The following JDP2 variants were observed in gnomAD, a reference collection of about 807,000 sequenced individuals.
The protein encoded by JDP2 is progesterone receptor co-activator.
Under a neutral mutation model 17.1 loss-of-function variants are expected in JDP2, and 9 were observed. The observed-to-expected ratio is 0.53, with a 90% CI of 0.32 to 0.92. The LOEUF (loss-of-function observed/expected upper bound fraction) is 0.92. JDP2 is among the 40% of genes least tolerant of loss of function. JDP2 has a pLI of 0.04. For synonymous variants in JDP2, 107 were observed against 95.6 expected, an observed-to-expected ratio of 1.12 and a Z score of -0.69; for missense variants, 179 against 220.0, an observed-to-expected ratio of 0.81 and a Z score of 1.18.
chr14:75,442,892 C>T (rs1419509342), intron 2 of JDP2, among the ~76,000 whole-genome samples: 1 of 152,168 alleles, frequency 6.6e-6, no homozygotes, highest in African/African-American at 2.4e-5. Context: ...TGTCAGGGAG[C>T]TTTCTGGGGG....
At chr14:75,451,823 T>A (rs1306075621) in intron 2 of JDP2, among the ~76,000 whole-genome samples, 1 of 134,218 alleles carries the variant, frequency 7.5e-6, no homozygotes, top group Non-Finnish European at 1.6e-5. Flanking sequence ...GCAAGCCATT[T>A]CCTTCTCTGG....
At chr14:75,467,407 C>T (rs890922083) in intron 3 of JDP2, among the ~76,000 whole-genome samples, 1 of 152,198 alleles carries the variant, frequency 6.6e-6, no homozygotes, top group African/African-American at 2.4e-5. Flanking sequence ...CCTTGTTGCA[C>T]AGATTGCTTC....
intron 1 of JDP2, among the ~76,000 whole-genome samples, chr14:75,431,398 A>G (rs1279573621): frequency 1.3e-5 from 2 of 152,192 alleles, no homozygotes; most frequent in African/African-American, 2.4e-5. Flanking sequence ...CACGGCTGCC[A>G]GTGTTCAGTG....
intron 1 of JDP2, among the ~76,000 whole-genome samples, chr14:75,433,798 T>C (rs1884931558): frequency 6.6e-6 from 1 of 152,130 alleles, no homozygotes; most frequent in Admixed American, 6.5e-5. Context: ...GCATTGCCAG[T>C]CTTCTTGGAT....
chr14:75,457,448 TG>T (rs1279804910), intron 2 of JDP2, among the ~76,000 whole-genome samples: 1 of 152,270 alleles, frequency 6.6e-6, no homozygotes, highest in Non-Finnish European at 1.5e-5. Flanking sequence ...ATGCCTGTCT[TG>T]TTTCTGGTAG....
At chr14:75,434,811 G>A (rs1162557049) in intron 1 of JDP2, among the ~76,000 whole-genome samples, 2 of 152,150 alleles carry the variant, frequency 1.3e-5, no homozygotes, top group African/African-American at 2.4e-5. Context: ...TAACTTGGAG[G>A]TGAAATTACA....
At chr14:75,457,061 C>CA (rs1363049961) in intron 2 of JDP2, among the ~76,000 whole-genome samples, 1 of 152,252 alleles carries the variant, frequency 6.6e-6, no homozygotes, top group Admixed American at 6.5e-5. Context: ...CAGGGAAAAG[C>CA]ATGCTCCCCT....
chr14:75,449,774 A>G (rs1220068434), intron 2 of JDP2, among the ~76,000 whole-genome samples: 1 of 152,132 alleles, frequency 6.6e-6, no homozygotes, highest in Admixed American at 6.5e-5. Flanking sequence ...TTTTCTCTTC[A>G]GTGTTAGGTT....
chr14:75,448,671 C>T (rs1447690483), intron 2 of JDP2, among the ~76,000 whole-genome samples: 3 of 152,210 alleles, frequency 2.0e-5, no homozygotes, highest in South Asian at 2.1e-4. Context: ...AACATTGCCA[C>T]GTCCACGCCC....
At chr14:75,451,408 T>G (rs1594962511) in intron 2 of JDP2, among the ~76,000 whole-genome samples, 2 of 147,134 alleles carry the variant, frequency 1.4e-5, no homozygotes, top group African/African-American at 2.5e-5. Flanking sequence ...GGGACGGGGG[T>G]GTGGGGAGGC....
In JDP2 at chr14:75,428,764, C is replaced by G. The variant is rs1313533755; in HGVS notation, c.-24+512C>G. Among the ~76,000 whole-genome samples the G allele has an allele frequency of 1.3e-5, 2 of 152,118 alleles. No homozygotes were observed. The highest frequency in any genetic ancestry group is 4.8e-5 in the African/African-American group (2 of 41,412). On this transcript the variant is annotated intron_variant, in intron 1 of 3. Coordinates refer to ENST00000651602, the MANE Select transcript of JDP2 (RefSeq NM_001135048.2). This position sits in a 1 kb window ranked among gnomAD's most constrained non-coding sequence, Gnocchi z 5.6. ...AGCGCGACTCCCGGAGGACCCGGAC[C>G]CGGAGGAGAGTATTGAGAAGGGCTC...
At chr14:75,436,396 A>G (rs1437948000) in intron 1 of JDP2, among the ~76,000 whole-genome samples, 1 of 152,214 alleles carries the variant, frequency 6.6e-6, no homozygotes, top group Non-Finnish European at 1.5e-5. Context: ...ATCTCTCTCC[A>G]TGGGAAGAGA....
chr14:75,438,103 C>T lies in JDP2; in HGVS notation c.183C>T (p.Pro61=), dbSNP rs34788000. The T allele has an allele frequency of 8.2e-5, 132 of 1,610,288 alleles. No homozygotes were observed. The African/African-American group carries it at 1.5e-3, about 19-fold the overall frequency. ...TGGAGGTGAAACTGGGCAAGAGGCC[C>T]CAGCCCGTGAAAAGTGAGGTGAGCG... ...HFLEVKLGKR[P]QPVKSELDEE... The change falls in exon 2 of 4, where the codon CCC becomes CCT. Residue 61 remains proline, a synonymous_variant. Coordinates refer to ENST00000651602, the MANE Select transcript of JDP2 (RefSeq NM_001135048.2).
chr14:75,432,178 G>T, intron 1 of JDP2: 1 of 727,628 alleles, frequency 1.4e-6, no homozygotes, highest in Non-Finnish European at 2.4e-6. Flanking sequence ...CAGTCTTGGG[G>T]CCTTCCCCAT....
At chr14:75,442,529 A>G (rs909755440) in intron 2 of JDP2, among the ~76,000 whole-genome samples, 14 of 152,234 alleles carry the variant, frequency 9.2e-5, no homozygotes, top group African/African-American at 3.4e-4. Flanking sequence ...AGCTGTGTCA[A>G]CTTGGCAAGT....
Position 75,437,087 on chromosome 14 carries a change from G to C in JDP2, c.-23-811G>C, listed in dbSNP as rs574302343. Among the ~76,000 whole-genome samples the C allele has an allele frequency of 5.9e-5, 9 of 151,318 alleles. 1 individual carries two copies. The East Asian group carries it at 1.7e-3, about 29-fold the overall frequency. ...CAGGTGCCTGTAATTCCAGCTACTC[G>C]TGAGGCTGAGACAGGAGAATTGCTT... On this transcript the variant is annotated intron_variant, in intron 1 of 3. Transcript: ENST00000651602.
At chr14:75,439,864 A>G (rs1340653383) in intron 2 of JDP2, among the ~76,000 whole-genome samples, 1 of 152,178 alleles carries the variant, frequency 6.6e-6, no homozygotes, top group Non-Finnish European at 1.5e-5. Flanking sequence ...ATTGCCATTT[A>G]GAGCCAGTAG....
rs1022312781 is a variant in JDP2 at position 75,450,691 on chromosome 14, G to A, written c.202-10735G>A. On this transcript the variant is annotated intron_variant, in intron 2 of 3. Transcript: ENST00000651602. ...GTGAAGTGGAAAGAACCTTGGACTT[G>A]GAGTCAGGAGTGTCTGGGTTCTTGC... 1.2e-4 allele frequency among the ~76,000 whole-genome samples: 19 copies of A among 152,354 alleles called. No individual in the cohort carries two copies. In the East Asian group the frequency reaches 2.5e-3, roughly 20 times the overall value.
intron 2 of JDP2, among the ~76,000 whole-genome samples, chr14:75,459,468 C>T (rs1886258737): frequency 1.3e-5 from 2 of 152,254 alleles, no homozygotes; most frequent in East Asian, 1.9e-4. Context: ...GGGAGAAGCT[C>T]AGAGGTGGTG....
Sources: gnomAD v4.1 joint callset for allele counts (sites outside exome capture counted in the v4.1 genomes callset) on GRCh38, gnomAD v4.1.1 for gene constraint, Gnocchi (gnomAD v3.1) non-coding constraint, MANE v1.5 for transcripts, NCBI Gene and HGNC (gene_info 2026-07-23, HGNC 2026-07-21) for gene names.